The following USH2A variants were observed in gnomAD, a reference collection of about 807,000 sequenced individuals.
The protein encoded by USH2A is Usher syndrome 2A (autosomal recessive, mild).
In USH2A, 443 loss-of-function variants were observed where a neutral mutation model predicts 538.9. The observed-to-expected ratio is 0.82, with a 90% CI of 0.76 to 0.89. The LOEUF (loss-of-function observed/expected upper bound fraction) is 0.89, where lower values mean the gene tolerates loss of function less well. USH2A is among the 40% of genes least tolerant of loss of function. The pLI is 0.00. For synonymous variants in USH2A, 2,413 were observed against 2,273.5 expected (o/e 1.06, Z -1.75); for missense variants, 6,633 against 6,324.8 (o/e 1.05, Z -1.65).
At chr1:215,719,205 G>T (rs1659581055) in intron 61 of USH2A, among the ~76,000 whole-genome samples, 1 of 151,940 alleles carries the variant, frequency 6.6e-6, no homozygotes, top group Non-Finnish European at 1.5e-5. Flanking sequence ...TATAATCCCA[G>T]ATCTAAGGGA....
intron 37 of USH2A, among the ~76,000 whole-genome samples, chr1:215,945,658 A>G (rs912064404): frequency 6.6e-6 from 1 of 152,110 alleles, no homozygotes; most frequent in Non-Finnish European, 1.5e-5. Context: ...TGGGGCTTCC[A>G]TTGTCAGTAT....
At chr1:215,974,304 T>C (rs570209448) in intron 35 of USH2A, among the ~76,000 whole-genome samples, 209 of 152,266 alleles carry the variant, frequency 1.4e-3, no homozygotes, top group Non-Finnish European at 2.6e-3. Context: ...AAGAAGATGC[T>C]TTTTTCTTTA....
chr1:216,245,592 T>TA (rs1171832915), intron 13 of USH2A, among the ~76,000 whole-genome samples: 1 of 152,096 alleles, frequency 6.6e-6, no homozygotes. Context: ...CTTAGGTTTT[T>TA]ATGGAGTATC....
At position 215,758,711 on chromosome 1, in the gene USH2A, C is replaced by T. The variant is rs1660887396; in HGVS notation, c.11273G>A (p.Ser3758Asn). 6.2e-7 allele frequency: 1 copy of T among 1,613,906 alleles called. No homozygotes were observed. Among genetic ancestry groups the T allele is most frequent in the African/African-American group, 1.3e-5 (1 of 74,922 alleles). Residue 3758 changes from serine to asparagine, a missense_variant, in exon 58 of 72, where the codon AGT (serine) becomes AAT (asparagine). Coordinates refer to ENST00000307340, the MANE Select transcript of USH2A (RefSeq NM_206933.4). ...KLEVKTGGGS[S>N]ASDDYIVQTP... ...TTGAACAATGTAATCATCACTAGCACTGCTGCCACCTCCAGTTTTGACTTC... is the reference window on the plus strand; with the variant it reads ...TTGAACAATGTAATCATCACTAGCATTGCTGCCACCTCCAGTTTTGACTTC...
At chr1:215,766,611 G>A (rs1571664787) in intron 56 of USH2A, 70 bp downstream of exon 56, 1 of 1,371,982 alleles carries the variant, frequency 7.3e-7, no homozygotes, top group Non-Finnish European at 1.0e-6. Flanking sequence ...TTATGAAGGA[G>A]TTTACAGATT....
At chr1:215,836,565 A>AATATATATTATATATATATATTTTT (rs1663536970) in intron 47 of USH2A, among the ~76,000 whole-genome samples, 23 of 32,872 alleles carry the variant, frequency 7.0e-4, no homozygotes, top group African/African-American at 1.6e-3. Context: ...ATATATATAT[A>AATATATATTATATATATATATTTTT]TTTTTTTTTG....
At position 216,232,077 on chromosome 1, in the gene USH2A, C is replaced by T. The variant is rs764136752; in HGVS notation, c.2869G>A (p.Gly957Ser). The T allele has an allele frequency of 7.4e-6, 12 of 1,613,880 alleles. No homozygotes were observed. The highest frequency in any genetic ancestry group is 6.7e-5 in the Admixed American group (4 of 59,998). ...CTATTACAGATGTGATTAACTGCACCAGTTGTATGGCATGAGCATGGCAGG... is the reference window on the plus strand; with the variant it reads ...CTATTACAGATGTGATTAACTGCACTAGTTGTATGGCATGAGCATGGCAGG... The part of the protein sequence containing the change: ...GCLPCSCHTT[G>S]AVNHICNSLT... The change falls in exon 14 of 72, where the codon GGT becomes AGT. Residue 957 changes from glycine (G) to serine (S), a missense_variant. Coordinates refer to ENST00000307340, the MANE Select transcript of USH2A (RefSeq NM_206933.4).
chr1:215,838,059 G>T lies in USH2A; in HGVS notation c.9303C>A (p.Thr3101=), dbSNP rs564588972. 1.1e-5 allele frequency: 17 copies of T among 1,613,752 alleles called. No homozygotes were observed. The highest frequency in any genetic ancestry group is 4.4e-5 in the South Asian group (4 of 91,084). Residue 3101 remains threonine, a synonymous_variant, in exon 47 of 72, where the codon ACC becomes ACA. Coordinates refer to ENST00000307340, the MANE Select transcript of USH2A (RefSeq NM_206933.4). ...TIYACVKSNG[T]QITTVEDTPS... is the part of the protein sequence containing the mutation. ...GAGTGTCTTCCACAGTGGTAATTTG[G>T]GTTCCATTGCTTTTCACGCAGGCAT...
chr1:215,927,460 TATAG>T lies in USH2A; in HGVS notation c.7300+7152_7300+7155del, dbSNP rs528742428. Among the ~76,000 whole-genome samples the T allele has an allele frequency of 2.6e-3, 393 of 152,256 alleles. 2 individuals are homozygous for T. The highest frequency in any genetic ancestry group is 8.6e-3 in the African/African-American group (358 of 41,558). ...ATATAACAAGATTGTTGGATAAATA[TATAG>T]ATAAATATATTTATGTGTTCTAAAT... is the stretch of plus-strand genomic sequence containing the variant. On this transcript the variant is annotated intron_variant, in intron 38 of 71. Transcript: ENST00000307340.
At chr1:215,720,536 T>C (rs981297209) in intron 61 of USH2A, among the ~76,000 whole-genome samples, 33 of 152,180 alleles carry the variant, frequency 2.2e-4, no homozygotes, top group Admixed American at 8.5e-4. Flanking sequence ...ACTGGCTAGG[T>C]TTCATCCAGC....
intron 32 of USH2A, among the ~76,000 whole-genome samples, chr1:216,033,298 T>C (rs904629147): frequency 2.0e-5 from 3 of 152,182 alleles, no homozygotes; most frequent in African/African-American, 7.2e-5. Flanking sequence ...TCTGTATGTA[T>C]ATGTGTGTAT....
chr1:215,818,128 T>C (rs928717308), intron 47 of USH2A, among the ~76,000 whole-genome samples: 30 of 151,962 alleles, frequency 2.0e-4, no homozygotes, highest in African/African-American at 7.2e-4. Context: ...GTTTTTTATG[T>C]TATCATTAAG....
At chr1:216,062,846 C>T (rs1446651618) in intron 30 of USH2A, among the ~76,000 whole-genome samples, 1 of 151,970 alleles carries the variant, frequency 6.6e-6, no homozygotes, top group Non-Finnish European at 1.5e-5. Context: ...GGCAAATTTT[C>T]CAAGCTGAAG....
At chr1:215,692,510 A>G (rs1256670772) in intron 61 of USH2A, among the ~76,000 whole-genome samples, 1 of 152,128 alleles carries the variant, frequency 6.6e-6, no homozygotes, top group Non-Finnish European at 1.5e-5. Context: ...AATCAAGTTA[A>G]CCAAAAATCT....
chr1:215,774,359 A>G (rs1661394355), intron 55 of USH2A, among the ~76,000 whole-genome samples: 1 of 151,820 alleles, frequency 6.6e-6, no homozygotes, highest in Admixed American at 6.6e-5. Flanking sequence ...GACTCTCTTT[A>G]GATATACATC....
At chr1:216,266,135 A>T (rs965382288) in intron 11 of USH2A, among the ~76,000 whole-genome samples, 5 of 152,144 alleles carry the variant, frequency 3.3e-5, no homozygotes, top group African/African-American at 1.2e-4. Flanking sequence ...CACACATTTT[A>T]CATATGTATT....
intron 9 of USH2A, among the ~76,000 whole-genome samples, chr1:216,315,926 T>C (rs1273061026): frequency 6.6e-6 from 1 of 152,208 alleles, no homozygotes; most frequent in East Asian, 1.9e-4. Flanking sequence ...ATCTAGGCTT[T>C]TGGATTTGTT....
intron 23 of USH2A, among the ~76,000 whole-genome samples, chr1:216,088,790 GA>G (rs2032211187): frequency 6.6e-6 from 1 of 152,090 alleles, no homozygotes; most frequent in Non-Finnish European, 1.5e-5. Context: ...AGACATAGGT[GA>G]CTTCATTGTT....
At chr1:216,044,844 C>T (rs953319365) in intron 32 of USH2A, among the ~76,000 whole-genome samples, 2 of 152,036 alleles carry the variant, frequency 1.3e-5, no homozygotes, top group Non-Finnish European at 2.9e-5. Context: ...TAAAATAATA[C>T]CTATGTTGTA....
Sources: gnomAD v4.1 joint callset for allele counts (sites outside exome capture counted in the v4.1 genomes callset) on GRCh38, gnomAD v4.1.1 for gene constraint, MANE v1.5 for transcripts, NCBI Gene and HGNC (gene_info 2026-07-23, HGNC 2026-07-21) for gene names.